The following TBC1D32 variants were observed in gnomAD, a reference collection of about 807,000 sequenced individuals.
TBC1D32 encodes the protein TBC1 domain family member 32, also known as protein broad-minded.
In TBC1D32, 151 loss-of-function variants were observed where a neutral mutation model predicts 170.3. That is an observed-to-expected ratio of 0.89 (90% CI 0.78 to 1.01). The LOEUF is 1.01. TBC1D32 is among the 50% of genes least tolerant of loss of function. TBC1D32 has a pLI of 0.00. For synonymous variants in TBC1D32, 498 were observed against 488.0 expected (o/e 1.02, Z -0.27); for missense variants, 1,464 against 1,457.1 (o/e 1.00, Z -0.08).
chr6:121,122,328 C>A (rs1246701485), intron 26 of TBC1D32, among the ~76,000 whole-genome samples: 1 of 152,038 alleles, frequency 6.6e-6, no homozygotes, highest in East Asian at 1.9e-4. Flanking sequence ...AACACCACAG[C>A]CACAATGCTC....
chr6:121,288,026 T>G (rs550215678), intron 12 of TBC1D32, among the ~76,000 whole-genome samples: 12 of 152,058 alleles, frequency 7.9e-5, no homozygotes, highest in Non-Finnish European at 1.5e-5. Flanking sequence ...AATTTATAGC[T>G]CTAAATGCCC....
intron 14 of TBC1D32, among the ~76,000 whole-genome samples, chr6:121,280,028 C>T (rs183340920): frequency 1.3e-4 from 20 of 151,886 alleles, no homozygotes; most frequent in Non-Finnish European, 2.4e-4. Context: ...GTGGGCTAGC[C>T]TAACTAATGA....
intron 3 of TBC1D32, among the ~76,000 whole-genome samples, chr6:121,313,012 G>A (rs138712835): frequency 6.6e-6 from 1 of 152,120 alleles, no homozygotes; most frequent in African/African-American, 2.4e-5. Context: ...TGGGTTCTGG[G>A]TCAAGACCAC....
intron 17 of TBC1D32, among the ~76,000 whole-genome samples, chr6:121,248,887 C>T (rs954391676): frequency 4.0e-5 from 6 of 151,622 alleles, no homozygotes; most frequent in African/African-American, 1.5e-4. Flanking sequence ...CAAAGAGAAA[C>T]AGTACCAATC....
At chr6:121,235,884 T>C (rs535260817) in intron 20 of TBC1D32, among the ~76,000 whole-genome samples, 2 of 152,350 alleles carry the variant, frequency 1.3e-5, no homozygotes, top group East Asian at 3.9e-4. Context: ...CTACCTCCTA[T>C]CCACCATCTT....
intron 24 of TBC1D32, among the ~76,000 whole-genome samples, chr6:121,150,320 T>A (rs921036423): frequency 6.6e-6 from 1 of 152,214 alleles, no homozygotes; most frequent in Admixed American, 6.5e-5. Context: ...TTGATTTGCA[T>A]ATGTTGAACC....
chr6:121,199,253 T>C (rs752536158), intron 22 of TBC1D32, among the ~76,000 whole-genome samples: 14 of 151,302 alleles, frequency 9.3e-5, no homozygotes, highest in Non-Finnish European at 2.1e-4. Context: ...AAACAGAAAA[T>C]TGAGATTCAA....
intron 20 of TBC1D32, among the ~76,000 whole-genome samples, chr6:121,235,974 T>A (rs1268699028): frequency 6.6e-6 from 1 of 152,206 alleles, no homozygotes; most frequent in Non-Finnish European, 1.5e-5. Flanking sequence ...GTATTTTAAT[T>A]AGAATATTTA....
At chr6:121,159,948 T>C (rs1785402901) in intron 24 of TBC1D32, 62 bp downstream of exon 24, 3 of 1,205,092 alleles carry the variant, frequency 2.5e-6, no homozygotes, top group African/African-American at 3.0e-5. Context: ...TAATATTTTC[T>C]TTTTTTCAAA....
At chr6:121,137,335 A>G (rs1582919680) in intron 24 of TBC1D32, among the ~76,000 whole-genome samples, 1 of 152,150 alleles carries the variant, frequency 6.6e-6, no homozygotes, top group East Asian at 1.9e-4. Flanking sequence ...GTTATGATGA[A>G]GTCACCATGG....
chr6:121,122,321 A>C (rs369579170), intron 26 of TBC1D32, among the ~76,000 whole-genome samples: 1 of 152,062 alleles, frequency 6.6e-6, no homozygotes, highest in South Asian at 2.1e-4. Flanking sequence ...ATTTCTCAAC[A>C]CCACAGCCAC....
chr6:121,313,634 G>A (rs1203655657), intron 3 of TBC1D32, among the ~76,000 whole-genome samples: 1 of 152,008 alleles, frequency 6.6e-6, no homozygotes, highest in Non-Finnish European at 1.5e-5. Flanking sequence ...CTACAGAAGT[G>A]AAATTCTGCA....
intron 1 of TBC1D32, among the ~76,000 whole-genome samples, chr6:121,322,468 A>G (rs1228448334): frequency 6.6e-6 from 1 of 152,182 alleles, no homozygotes. Flanking sequence ...AGAGTGTTTT[A>G]CCACCACTCG....
chr6:121,099,075 T>C (rs914612439), intron 30 of TBC1D32, among the ~76,000 whole-genome samples: 7 of 151,972 alleles, frequency 4.6e-5, no homozygotes, highest in Admixed American at 1.3e-4. Flanking sequence ...CCTGCTTTCA[T>C]AATAGGGGGA....
chr6:121,258,312 T>C (rs79179361), intron 15 of TBC1D32, among the ~76,000 whole-genome samples: 3,641 of 152,262 alleles, frequency 0.024, 159 homozygotes, highest in East Asian at 0.12. Flanking sequence ...AAATTTTCAA[T>C]CAAAATTAGA....
rs1807584254 is a variant in TBC1D32 at position 121,307,970 on chromosome 6, T to G, written c.690+6A>C. 6.2e-7 allele frequency: 1 copy of G among 1,607,950 alleles called. No homozygotes were observed. The highest frequency in any genetic ancestry group is 8.5e-7 in the Non-Finnish European group (1 of 1,178,382). On this transcript the variant is annotated splice_donor_region_variant and intron_variant, in intron 5 of 31. Transcript: ENST00000398212. ...ATTTTTAATATTTCTATAACCATTTTCTTACACTAAACACAGGATCAGGAT... is the reference window on the plus strand; with the variant it reads ...ATTTTTAATATTTCTATAACCATTTGCTTACACTAAACACAGGATCAGGAT...
chr6:121,135,484 G>GTAA (rs1014876735), intron 24 of TBC1D32, among the ~76,000 whole-genome samples: 4 of 152,122 alleles, frequency 2.6e-5, no homozygotes, highest in African/African-American at 4.8e-5. Context: ...TGAGAAAAGG[G>GTAA]AAACCAATGA....
chr6:121,181,932 G>A (rs113336688), intron 22 of TBC1D32, among the ~76,000 whole-genome samples: 2,184 of 152,150 alleles, frequency 0.014, 14 homozygotes, highest in Middle Eastern at 0.034. Context: ...CAGATTTCAT[G>A]GAAGTAGGGA....
intron 22 of TBC1D32, among the ~76,000 whole-genome samples, chr6:121,176,364 T>C (rs1369723678): frequency 6.6e-6 from 1 of 152,120 alleles, no homozygotes; most frequent in Non-Finnish European, 1.5e-5. Flanking sequence ...TCTAACCTGT[T>C]TGAACAGGAA....
Sources: gnomAD v4.1 joint callset for allele counts (sites outside exome capture counted in the v4.1 genomes callset) on GRCh38, gnomAD v4.1.1 for gene constraint, MANE v1.5 for transcripts, NCBI Gene and HGNC (gene_info 2026-07-23, HGNC 2026-07-21) for gene names.